Variants in LRRK1 observed in about 807,000 individuals in gnomAD.
LRRK1 encodes leucine-rich repeat serine/threonine-protein kinase 1.
In LRRK1, 113 loss-of-function variants were observed where a neutral mutation model predicts 209.1. That is an observed-to-expected ratio of 0.54 (90% CI 0.46 to 0.63). The LOEUF is 0.63. LRRK1 is among the 30% of genes least tolerant of loss of function. The pLI is 0.00. For missense variants in LRRK1, 2,284 were observed against 2,632.2 expected (o/e 0.87, Z 2.89); for synonymous variants, 1,144 against 1,099.7 (o/e 1.04, Z -0.80).
intron 28 of LRRK1, 137 bp downstream of exon 28, chr15:101,057,187 TG>T: frequency 1.5e-6 from 1 of 678,872 alleles, no homozygotes; most frequent in Non-Finnish European, 2.4e-6. Flanking sequence ...TAGAGGGTGA[TG>T]TTTGCTGCTC....
intron 4 of LRRK1, 150 bp from the exon 5 acceptor site, chr15:100,988,483 CT>C (rs983335089): frequency 8.1e-6 from 6 of 744,344 alleles, no homozygotes; most frequent in African/African-American, 3.4e-5. Context: ...TGATCTCATT[CT>C]TTTTTATGGC....
intron 3 of LRRK1, among the ~76,000 whole-genome samples, chr15:100,980,945 G>A (rs1225384952): frequency 6.6e-6 from 1 of 152,194 alleles, no homozygotes; most frequent in East Asian, 1.9e-4. Flanking sequence ...CTGCAGGTGT[G>A]CAGGTGTGTT....
At chr15:100,958,950 A>G (rs1200979869) in intron 2 of LRRK1, among the ~76,000 whole-genome samples, 6 of 152,164 alleles carry the variant, frequency 3.9e-5, no homozygotes, top group Admixed American at 6.5e-5. Flanking sequence ...AAGGTCTCAG[A>G]TACTTTTATG....
rs780303222 is a variant in LRRK1 at position 101,053,101 on chromosome 15, C to T, written c.3856+13C>T. On this transcript the variant is annotated intron_variant, in intron 25 of 33. Coordinates refer to ENST00000388948, the MANE Select transcript of LRRK1 (RefSeq NM_024652.6). ...AACGTACCGGCAGGTAAGCGGGTCC[C>T]AGGTTGGTGCTGTTTTTCTCAGACA... 1.9e-6 allele frequency: 3 copies of T among 1,599,900 alleles called. No homozygotes were observed. In the Admixed American group the frequency reaches 5.0e-5, roughly 27 times the overall value.
intron 1 of LRRK1, among the ~76,000 whole-genome samples, chr15:100,920,535 A>G (rs1288894260): frequency 6.6e-6 from 1 of 152,114 alleles, no homozygotes; most frequent in Non-Finnish European, 1.5e-5. Context: ...CCCTCTCCCA[A>G]AAGTCGATGT....
At chr15:101,063,841 C>T (rs1046933208) in intron 31 of LRRK1, among the ~76,000 whole-genome samples, 1 of 151,394 alleles carries the variant, frequency 6.6e-6, no homozygotes, top group South Asian at 2.1e-4. Flanking sequence ...TGAAATGAAC[C>T]TTAGAGTCAT....
At chr15:101,049,572 G>C in intron 22 of LRRK1, 72 bp from the exon 23 acceptor site, 1 of 1,557,806 alleles carries the variant, frequency 6.4e-7, no homozygotes, top group Non-Finnish European at 8.7e-7. Flanking sequence ...CCTGTCCCTG[G>C]GGGTAGGGAT....
chr15:101,045,585 C>T (rs2035025449), intron 20 of LRRK1, among the ~76,000 whole-genome samples: 1 of 152,208 alleles, frequency 6.6e-6, no homozygotes, highest in Non-Finnish European at 1.5e-5. Context: ...TGAAACCTTG[C>T]AGCTGTGTTT....
chr15:100,932,008 G>A (rs1400894439), intron 2 of LRRK1, among the ~76,000 whole-genome samples: 5 of 150,434 alleles, frequency 3.3e-5, no homozygotes, highest in Middle Eastern at 3.4e-3. Context: ...GTTTTGAGAC[G>A]GAGTTTCATT....
rs553369423 is a variant in LRRK1, at chr15:101,002,016, G to A, written c.763-6821G>A. Among the ~76,000 whole-genome samples the A allele has an allele frequency of 3.3e-5, 5 of 152,314 alleles. No homozygotes were observed. The South Asian group carries it at 8.3e-4, about 25-fold the overall frequency. On this transcript the variant is annotated intron_variant, in intron 6 of 33. Transcript: ENST00000388948. Reference sequence around the variant, plus strand: ...GTCACAGGGGCCAGGAATCGTTTTCGGAGTCTGCCCTGGGCTGGGGTGCCA... The same window carrying A: ...GTCACAGGGGCCAGGAATCGTTTTCAGAGTCTGCCCTGGGCTGGGGTGCCA...
intron 6 of LRRK1, among the ~76,000 whole-genome samples, chr15:101,002,610 T>C (rs1340193010): frequency 1.3e-5 from 2 of 152,242 alleles, no homozygotes; most frequent in Non-Finnish European, 2.9e-5. Flanking sequence ...CTGGCTTTGC[T>C]CTCTCGGAAT....
intron 2 of LRRK1, among the ~76,000 whole-genome samples, chr15:100,956,621 C>A: frequency 6.6e-6 from 1 of 151,612 alleles, no homozygotes; most frequent in East Asian, 1.9e-4. Flanking sequence ...CCCACAACCA[C>A]GCCTGGCTAA....
At chr15:100,933,958 G>A (rs1024681906) in intron 2 of LRRK1, among the ~76,000 whole-genome samples, 6 of 150,330 alleles carry the variant, frequency 4.0e-5, no homozygotes, top group African/African-American at 1.5e-4. Context: ...TATTTTCATA[G>A]CGTTGTGCTC....
At chr15:101,013,272 C>A (rs923404362) in intron 10 of LRRK1, among the ~76,000 whole-genome samples, 1 of 152,112 alleles carries the variant, frequency 6.6e-6, no homozygotes, top group Admixed American at 6.5e-5. Context: ...GGCGTGAGCC[C>A]CTTCAACAAG....
chr15:100,974,947 T>A (rs774780644), intron 3 of LRRK1, among the ~76,000 whole-genome samples: 4 of 152,244 alleles, frequency 2.6e-5, no homozygotes, highest in Non-Finnish European at 4.4e-5. Context: ...AGGCTTAACA[T>A]GCCTCCATTT....
chr15:100,980,281 G>A (rs1329982122), intron 3 of LRRK1, among the ~76,000 whole-genome samples: 1 of 140,798 alleles, frequency 7.1e-6, no homozygotes, highest in Non-Finnish European at 1.6e-5. Flanking sequence ...AGGACATTAT[G>A]CTGATTTAAA....
chr15:100,931,685 C>T (rs961852560), intron 2 of LRRK1, among the ~76,000 whole-genome samples: 9 of 152,110 alleles, frequency 5.9e-5, no homozygotes, highest in Non-Finnish European at 1.0e-4. Context: ...TCATTCTGCC[C>T]CCACCCCAGC....
rs1555479928 is a variant in LRRK1, at chr15:101,058,616, A to ACGGG, written c.4679+476_4679+479dup. 5.9e-3 allele frequency among the ~76,000 whole-genome samples: 25 copies of ACGGG among 4,248 alleles called. 4 individuals are homozygous for ACGGG. Among genetic ancestry groups the ACGGG allele is most frequent in the Non-Finnish European group, 0.011 (18 of 1,576 alleles). The allele number at this position is 4,248 out of a possible 152,430, so 2.8% of individuals were successfully genotyped here. A position where few individuals can be genotyped will look rare whatever the true frequency, so the allele number is the denominator to read the frequency against. ...GCTGCCCCAGATTGCAGAAGGGGCA[A>ACGGG]CGGGGGGGGGCGTCTAAACAGAGTT... On this transcript the variant is annotated intron_variant, in intron 29 of 33. Coordinates refer to ENST00000388948, the MANE Select transcript of LRRK1 (RefSeq NM_024652.6).
intron 2 of LRRK1, among the ~76,000 whole-genome samples, chr15:100,932,092 T>C (rs2042223284): frequency 6.6e-6 from 1 of 152,144 alleles, no homozygotes; most frequent in Non-Finnish European, 1.5e-5. Flanking sequence ...TTCAAGCGAT[T>C]CTCCTGCCTC....
Sources: gnomAD v4.1 joint callset for allele counts (sites outside exome capture counted in the v4.1 genomes callset) on GRCh38, gnomAD v4.1.1 for gene constraint, MANE v1.5 for transcripts, NCBI Gene and HGNC (gene_info 2026-07-23, HGNC 2026-07-21) for gene names.